The following USH2A variants were observed in gnomAD, a reference collection of about 807,000 sequenced individuals.
USH2A encodes usherin, also known as Usher syndrome 2A (autosomal recessive, mild).
A neutral mutation model predicts 538.9 loss-of-function variants in USH2A; 443 were observed. That is an observed-to-expected ratio of 0.82 (90% CI 0.76 to 0.89). USH2A has a LOEUF of 0.89. USH2A is among the 40% of genes least tolerant of loss of function. The pLI is 0.00. For synonymous variants in USH2A, 2,413 were observed against 2,273.5 expected, an observed-to-expected ratio of 1.06 and a Z score of -1.75; for missense variants, 6,633 against 6,324.8, an observed-to-expected ratio of 1.05 and a Z score of -1.65.
chr1:216,088,058 C>T (rs901076064), intron 23 of USH2A, among the ~76,000 whole-genome samples: 1 of 151,976 alleles, frequency 6.6e-6, no homozygotes, highest in East Asian at 1.9e-4. Flanking sequence ...TCTTTTACAC[C>T]CTCTTTCCCA....
rs758792895 is a variant in USH2A, at chr1:216,422,072, G to C, written c.265C>G (p.Pro89Ala). The change falls in exon 2 of 72, where the codon CCA becomes GCA. Residue 89 changes from proline (P) to alanine (A), a missense_variant. Coordinates refer to ENST00000307340, the MANE Select transcript of USH2A (RefSeq NM_206933.4). ...TAGGTAGGGTGTGAAGATCTGTATG[G>C]GCAATCCTGAATACAAAACCGCTGG... ...CTQRFCIQDC[P>A]YRSSHPTYTA... 4 of 1,613,748 alleles carry C rather than the reference G, an allele frequency of 2.5e-6. No individual in the cohort carries two copies. Among genetic ancestry groups the C allele is most frequent in the Non-Finnish European group, 3.4e-6 (4 of 1,179,852 alleles).
chr1:216,246,629 C>T lies in USH2A; in HGVS notation c.2765G>A (p.Cys922Tyr). 1 of 1,614,098 alleles carries T rather than the reference C, an allele frequency of 6.2e-7. No homozygotes were observed. The highest frequency in any genetic ancestry group is 8.5e-7 in the Non-Finnish European group (1 of 1,179,960). Residue 922 changes from cysteine (C) to tyrosine (Y), a missense_variant, in exon 13 of 72, where the codon TGT (cysteine) becomes TAT (tyrosine). Transcript: ENST00000307340. ...ICDPISGQCL[C>Y]VPNRQGRRCN... ...CCTTCTTCCTTGACGATTAGGCACA[C>T]ACAGGCACTGGCCACTGATTGGGTC...
At chr1:216,251,529 C>T (rs920995659) in intron 11 of USH2A, among the ~76,000 whole-genome samples, 1 of 136,610 alleles carries the variant, frequency 7.3e-6, no homozygotes, top group African/African-American at 2.7e-5. Flanking sequence ...CGGCTCACTG[C>T]AAGCTCCGCC....
intron 9 of USH2A, among the ~76,000 whole-genome samples, chr1:216,310,702 T>A (rs1415285846): frequency 6.6e-6 from 1 of 152,228 alleles, no homozygotes; most frequent in East Asian, 1.9e-4. Flanking sequence ...AAAATTTCAA[T>A]CTCTGTTAAA....
intron 38 of USH2A, among the ~76,000 whole-genome samples, chr1:215,913,234 G>A (rs974369574): frequency 1.3e-5 from 2 of 152,114 alleles, no homozygotes; most frequent in African/African-American, 4.8e-5. Flanking sequence ...CACCATTATG[G>A]GCATGAGAAT....
chr1:215,806,852 T>G (rs1662518163), intron 49 of USH2A, among the ~76,000 whole-genome samples: 1 of 152,104 alleles, frequency 6.6e-6, no homozygotes, highest in Non-Finnish European at 1.5e-5. Flanking sequence ...AATCTATACT[T>G]AGCATTTTTT....
At chr1:216,242,919 G>A (rs766192394) in intron 13 of USH2A, among the ~76,000 whole-genome samples, 28 of 152,154 alleles carry the variant, frequency 1.8e-4, no homozygotes, top group African/African-American at 5.1e-4. Flanking sequence ...TGAAAGTACC[G>A]TTTGCTACTA....
intron 4 of USH2A, among the ~76,000 whole-genome samples, chr1:216,357,175 A>T (rs985731323): frequency 6.6e-6 from 1 of 152,118 alleles, no homozygotes; most frequent in South Asian, 2.1e-4. Context: ...TGGTTGAGAG[A>T]GCTACATTAA....
intron 4 of USH2A, among the ~76,000 whole-genome samples, chr1:216,363,977 T>C (rs917692053): frequency 1.3e-5 from 2 of 151,482 alleles, no homozygotes; most frequent in African/African-American, 2.4e-5. Flanking sequence ...AAGATAGAAA[T>C]ATGGAAAATA....
intron 13 of USH2A, among the ~76,000 whole-genome samples, chr1:216,237,404 G>C (rs1467075171): frequency 6.7e-6 from 1 of 148,746 alleles, no homozygotes; most frequent in African/African-American, 2.5e-5. Context: ...TATTGAGTTA[G>C]TTATTTAGAA....
At chr1:215,744,865 A>G (rs897209033) in intron 58 of USH2A, among the ~76,000 whole-genome samples, 11 of 152,242 alleles carry the variant, frequency 7.2e-5, no homozygotes, top group Admixed American at 2.6e-4. Context: ...TTAGAGCATC[A>G]TGGCTAAACT....
intron 34 of USH2A, among the ~76,000 whole-genome samples, chr1:215,997,333 GATAGCATTTGACTCC>G (rs966002559): frequency 5.3e-5 from 8 of 152,244 alleles, no homozygotes; most frequent in Non-Finnish European, 4.4e-5. Context: ...GCGGCTGACA[GATAGCATTTGACTCC>G]ATAGAATAGT....
chr1:215,627,437 C>CTTCCTTCCTTCT (rs1656084967), intron 71 of USH2A, among the ~76,000 whole-genome samples: 11 of 50,726 alleles, frequency 2.2e-4, no homozygotes, highest in African/African-American at 5.9e-4. Context: ...TCCTTCCTTC[C>CTTCCTTCCTTCT]TTCCTTCCTT....
At chr1:216,419,869 T>G (rs1238446605) in intron 2 of USH2A, among the ~76,000 whole-genome samples, 3 of 151,918 alleles carry the variant, frequency 2.0e-5, no homozygotes, top group Non-Finnish European at 2.9e-5. Context: ...CATCTATTTT[T>G]TTCCTGAGTT....
intron 35 of USH2A, among the ~76,000 whole-genome samples, chr1:215,989,043 TTTGA>T (rs1337182070): frequency 1.3e-5 from 2 of 152,226 alleles, no homozygotes; most frequent in Admixed American, 6.5e-5. Context: ...CTACCAATTG[TTTGA>T]TTGGCAAGGA....
chr1:216,408,508 A>G (rs1416211038), intron 3 of USH2A, among the ~76,000 whole-genome samples: 1 of 152,174 alleles, frequency 6.6e-6, no homozygotes, highest in East Asian at 1.9e-4. Flanking sequence ...CCAGTAAGAG[A>G]TTAACAATAA....
In USH2A at chr1:216,041,438, G is replaced by A. The variant is rs181260377; in HGVS notation, c.6325+4993C>T. Among the ~76,000 whole-genome samples the A allele has an allele frequency of 1.8e-4, 27 of 152,206 alleles. No individual in the cohort carries two copies. The South Asian group carries it at 1.9e-3, about 10-fold the overall frequency. On this transcript the variant is annotated intron_variant, in intron 32 of 71. Coordinates refer to ENST00000307340, the MANE Select transcript of USH2A (RefSeq NM_206933.4). ...TGCTAAGTGGCTTCTGAATTGAAAT[G>A]CATTTACTTTGCTTGTGCCCCCCAT...
At chr1:215,955,913 T>A (rs1411329775) in intron 37 of USH2A, among the ~76,000 whole-genome samples, 4 of 152,156 alleles carry the variant, frequency 2.6e-5, no homozygotes, top group Non-Finnish European at 5.9e-5. Context: ...CCCATCACCA[T>A]CCAAGGAAGT....
At chr1:216,388,456 G>GT (rs943020139) in intron 3 of USH2A, among the ~76,000 whole-genome samples, 61 of 152,054 alleles carry the variant, frequency 4.0e-4, no homozygotes, top group African/African-American at 1.4e-3. Flanking sequence ...TGTTTGGTAG[G>GT]TTTTTTTAAA....
Sources: gnomAD v4.1 joint callset for allele counts (sites outside exome capture counted in the v4.1 genomes callset) on GRCh38, gnomAD v4.1.1 for gene constraint, MANE v1.5 for transcripts, NCBI Gene and HGNC (gene_info 2026-07-23, HGNC 2026-07-21) for gene names.